DBF4B: variants seen among roughly 807,000 people sequenced by gnomAD.
DBF4B encodes the protein DBF4B-CDC7 kinase regulatory subunit, also known as protein DBF4 homolog B.
In DBF4B, 49 loss-of-function variants were observed where a neutral mutation model predicts 53.4. The observed-to-expected ratio is 0.92, with a 90% CI of 0.73 to 1.16. The LOEUF is 1.16. DBF4B is among the 50% of genes most tolerant of loss of function. The pLI is 0.00. For missense variants in DBF4B, 692 were observed against 775.0 expected, an observed-to-expected ratio of 0.89 and a Z score of 1.27; for synonymous variants, 257 against 288.7, an observed-to-expected ratio of 0.89 and a Z score of 1.11.
At chr17:44,738,178 C>G (rs547827805) in intron 8 of DBF4B, among the ~76,000 whole-genome samples, 7 of 152,382 alleles carry the variant, frequency 4.6e-5, no homozygotes, top group Middle Eastern at 3.4e-3. Context: ...CCTATCCCCC[C>G]ACTGGTGCAA....
At chr17:44,735,108 A>T (rs573264926) in intron 7 of DBF4B, among the ~76,000 whole-genome samples, 2 of 152,074 alleles carry the variant, frequency 1.3e-5, no homozygotes, top group South Asian at 2.1e-4. Context: ...AAAAAAACAT[A>T]AAAAAATAGT....
At position 44,745,175 on chromosome 17, in the gene DBF4B, TC is replaced by T. The variant is rs545797878; in HGVS notation, c.831-1905del. Among the ~76,000 whole-genome samples the T allele has an allele frequency of 4.4e-3, 665 of 152,216 alleles. 2 individuals carry two copies. The highest frequency in any genetic ancestry group is 6.8e-3 in the Non-Finnish European group (460 of 68,000). On this transcript the variant is annotated intron_variant, in intron 10 of 13. Coordinates refer to ENST00000315005, the MANE Select transcript of DBF4B (RefSeq NM_145663.3). The stretch of plus-strand genomic sequence containing the variant: ...TCGAACTCCTGCGCCCAAGTGATCC[TC>T]CCACCTTGACCTCCCAAAGTGCAGG...
rs116572472 is a variant in DBF4B at position 44,733,706 on chromosome 17, G to A, written c.557-384G>A. 1,255 of 183,332 alleles carry A rather than the reference G, an allele frequency of 6.8e-3. 15 individuals carry two copies. Among genetic ancestry groups the A allele is most frequent in the African/African-American group, 0.028 (1,181 of 42,540 alleles). The allele number at this position is 183,332 out of a possible 1,614,324, so 11.4% of individuals were successfully genotyped here. On this transcript the variant is annotated intron_variant, in intron 6 of 13. Coordinates refer to ENST00000315005, the MANE Select transcript of DBF4B (RefSeq NM_145663.3). ...GCCTTTCTCTGTTAGAGGAGTGCTA[G>A]CATGTTTAGCCCTTGCTGGTCTTTC...
rs181945472 is a variant in DBF4B, at chr17:44,721,856, C to T, written c.83-1024C>T. 7.7e-4 allele frequency among the ~76,000 whole-genome samples: 117 copies of T among 151,760 alleles called. 1 individual carries two copies. Among genetic ancestry groups the T allele is most frequent in the African/African-American group, 2.8e-3 (115 of 41,354 alleles). ...GCATAGAAGAGGAAACAACCCTGGC[C>T]AGGCATGGTGGCTCGCGCCTGTAAT... On this transcript the variant is annotated intron_variant, in intron 2 of 13. Coordinates refer to ENST00000315005, the MANE Select transcript of DBF4B (RefSeq NM_145663.3).
chr17:44,732,178 GGGAGCATCAGTGGA>G lies in DBF4B; in HGVS notation c.474_487del (p.Ser158ArgfsTer24). ...ACCTGACTCTGTGTTGTAATTTCAGGGGAGCATCAGTGGAGGAGGCAGTGGGGGCAGCAGCAGCC... is the reference window on the plus strand; with the variant it reads ...ACCTGACTCTGTGTTGTAATTTCAGGGGAGGCAGTGGGGGCAGCAGCAGCC... On this transcript the variant is annotated frameshift_variant and splice_region_variant, in exon 6 of 14. Coordinates refer to ENST00000315005, the MANE Select transcript of DBF4B (RefSeq NM_145663.3). LOFTEE classifies it high-confidence loss of function. 6.2e-7 allele frequency: 1 copy of G among 1,613,932 alleles called. No homozygotes were observed. The highest frequency in any genetic ancestry group is 8.5e-7 in the Non-Finnish European group (1 of 1,179,944).
intron 4 of DBF4B, among the ~76,000 whole-genome samples, chr17:44,730,453 G>A (rs965271445): frequency 6.6e-6 from 1 of 152,102 alleles, no homozygotes; most frequent in Non-Finnish European, 1.5e-5. Context: ...ATGTATGAAG[G>A]GCCAAGAGTT....
chr17:44,718,564 G>A (rs1054913398), intron 2 of DBF4B, among the ~76,000 whole-genome samples: 6 of 151,734 alleles, frequency 4.0e-5, no homozygotes, highest in African/African-American at 7.3e-5. Flanking sequence ...TGTTTGGTAC[G>A]TCCACATGAT....
intron 2 of DBF4B, among the ~76,000 whole-genome samples, chr17:44,712,420 T>C (rs1568156572): frequency 1.4e-5 from 2 of 144,006 alleles, no homozygotes; most frequent in East Asian, 4.8e-4. Flanking sequence ...TTCTCCTGCC[T>C]CAGCCTCCCA....
chr17:44,748,861 C>T (rs1420620288), intron 13 of DBF4B: 1 of 1,291,068 alleles, frequency 7.7e-7, no homozygotes, highest in Non-Finnish European at 1.0e-6. Flanking sequence ...TGAGTCCAGG[C>T]TCCTCGCCTC....
At chr17:44,737,868 T>A (rs1188472449) in intron 8 of DBF4B, among the ~76,000 whole-genome samples, 1 of 152,120 alleles carries the variant, frequency 6.6e-6, no homozygotes, top group Non-Finnish European at 1.5e-5. Flanking sequence ...CCTCTCTGCT[T>A]CCCCTCCAAA....
rs1244643204 is a variant in DBF4B, at chr17:44,747,522, G to A, written c.1064+7G>A. The A allele has an allele frequency of 6.2e-7, 1 of 1,613,366 alleles. No individual in the cohort carries two copies. The highest frequency in any genetic ancestry group is 2.2e-5 in the East Asian group (1 of 44,876). ...TCCAGGCTGGCCTCCCCAGGTGAGT[G>A]CCACGCTGGCAGGCACAACTGTGTC... On this transcript the variant is annotated splice_region_variant and intron_variant, in intron 12 of 13. Coordinates refer to ENST00000315005, the MANE Select transcript of DBF4B (RefSeq NM_145663.3).
Position 44,749,817 on chromosome 17 carries a change from C to T in DBF4B, c.1190-778C>T. ...AGCTGTTGGTGTGCTCCACCCCCAA[C>T]CCCGGCCTCCTTTCTCACGAGCATG... On this transcript the variant is annotated intron_variant, in intron 13 of 13. Transcript: ENST00000315005. The surrounding 1 kb of genome is among the most constrained non-coding windows in gnomAD (Gnocchi z 4.4). 9.6e-7 allele frequency: 1 copy of T among 1,040,162 alleles called. No homozygotes were observed. Among genetic ancestry groups the T allele is most frequent in the Non-Finnish European group, 1.2e-6 (1 of 862,556 alleles). 64.4% of individuals were successfully genotyped at this position (1,040,162 alleles called of 1,614,324 possible).
intron 2 of DBF4B, chr17:44,718,893 A>C (rs1407506588): frequency 6.6e-6 from 1 of 151,792 alleles, no homozygotes; most frequent in East Asian, 2.0e-4. Context: ...CCCGGGAGAC[A>C]GAGGTTGTAG....
chr17:44,715,185 G>T (rs1973218546), intron 2 of DBF4B, among the ~76,000 whole-genome samples: 1 of 151,456 alleles, frequency 6.6e-6, no homozygotes, highest in Non-Finnish European at 1.5e-5. Flanking sequence ...TTCTTCCTTT[G>T]ATTTTCTTGT....
rs570019898 is a variant in DBF4B, at chr17:44,724,322, C to T, written c.225+1300C>T. On this transcript the variant is annotated intron_variant, in intron 3 of 13. Transcript: ENST00000315005. The stretch of plus-strand genomic sequence containing the variant: ...TGAGGCATGAGACTCGCTTGAGCCC[C>T]GGGAGGCAGTCCAGCTAGGGTGACA... Among the ~76,000 whole-genome samples, 12 of 152,090 alleles carry T rather than the reference C, an allele frequency of 7.9e-5. No homozygotes were observed. In the South Asian group the frequency reaches 8.3e-4, roughly 10 times the overall value.
intron 13 of DBF4B, chr17:44,748,903 C>T (rs994211237): frequency 3.1e-6 from 4 of 1,290,260 alleles, no homozygotes; most frequent in Non-Finnish European, 4.0e-6. Flanking sequence ...ACAGACCTGC[C>T]TCTCTCTCCC....
At chr17:44,724,686 A>G (rs1974140619) in intron 3 of DBF4B, among the ~76,000 whole-genome samples, 1 of 152,226 alleles carries the variant, frequency 6.6e-6, no homozygotes, top group Non-Finnish European at 1.5e-5. Context: ...GCCAAAAAAA[A>G]GGAAACTTAA....
chr17:44,748,241 A>G (rs2049161413), intron 12 of DBF4B, 100 bp from the exon 13 acceptor site: 2 of 1,477,554 alleles, frequency 1.4e-6, no homozygotes, highest in East Asian at 2.3e-5. Context: ...CTCTCGGCAC[A>G]TGAACCGCCA....
chr17:44,741,064 G>A (rs1975967387), intron 9 of DBF4B, among the ~76,000 whole-genome samples: 1 of 152,182 alleles, frequency 6.6e-6, no homozygotes, highest in Admixed American at 6.5e-5. Flanking sequence ...GAACCTGGGA[G>A]GCGGAGCTTG....
Sources: allele counts gnomAD v4.1 joint callset (sites outside exome capture counted in the v4.1 genomes callset), GRCh38; gene constraint gnomAD v4.1.1; non-coding constraint Gnocchi (gnomAD v3.1); transcripts MANE v1.5; gene names NCBI Gene and HGNC (gene_info 2026-07-23, HGNC 2026-07-21).